Variants in PSMG4 observed in about 807,000 individuals in gnomAD.
PSMG4 encodes the protein proteasome (prosome, macropain) assembly chaperone 4.
PSMG4 carries 10 observed loss-of-function variants against 11.0 expected under a neutral mutation model. That is an observed-to-expected ratio of 0.91 (90% CI 0.56 to 1.54). The LOEUF (loss-of-function observed/expected upper bound fraction) is 1.54, where lower values mean the gene tolerates loss of function less well. PSMG4 is among the 40% of genes most tolerant of loss of function. The pLI is 0.00. For missense variants in PSMG4, 198 were observed against 160.9 expected (o/e 1.23, Z -1.25); for synonymous variants, 95 against 71.3 (o/e 1.33, Z -1.68).
intron 1 of PSMG4, among the ~76,000 whole-genome samples, chr6:3,262,153 T>C (rs1393856472): frequency 1.3e-5 from 2 of 152,160 alleles, no homozygotes; most frequent in African/African-American, 2.4e-5. Flanking sequence ...CCGTGCCTGC[T>C]CAGGGATTCT....
At chr6:3,260,883 C>T (rs1372468571) in intron 1 of PSMG4, among the ~76,000 whole-genome samples, 1 of 152,246 alleles carries the variant, frequency 6.6e-6, no homozygotes, top group Non-Finnish European at 1.5e-5. Context: ...GACCTTCGGG[C>T]TCTGTTACCT....
upstream of PSMG4, among the ~76,000 whole-genome samples, chr6:3,256,286 T>C (rs2127253336): frequency 6.6e-6 from 1 of 152,302 alleles, no homozygotes; most frequent in South Asian, 2.1e-4. Flanking sequence ...GGTATATATA[T>C]CCCAGTTATA....
At chr6:3,254,485 G>A (rs977744953), upstream of PSMG4, among the ~76,000 whole-genome samples, 8 of 151,936 alleles carry the variant, frequency 5.3e-5, no homozygotes, top group Non-Finnish European at 7.4e-5. Flanking sequence ...AAATATTGTT[G>A]CTGGTGGTTT....
upstream of PSMG4, chr6:3,255,146 A>G (rs556359251): frequency 6.4e-7 from 1 of 1,551,008 alleles, no homozygotes; most frequent in South Asian, 1.2e-5. Flanking sequence ...ATTCTCTTTG[A>G]GGAGCAGGGC....
chr6:3,266,849 T>G (rs1758200543), intron 2 of PSMG4: 1 of 112,536 alleles, frequency 8.9e-6, no homozygotes, highest in Admixed American at 9.6e-5. Context: ...CTTTAATATT[T>G]TATTTTAAAT....
upstream of PSMG4, chr6:3,255,283 A>C (rs908535239): frequency 1.3e-6 from 2 of 1,534,828 alleles, no homozygotes; most frequent in African/African-American, 2.7e-5. Context: ...TTACGGGTCT[A>C]TCGGTGCCCA....
rs751126684 is a variant in PSMG4, at chr6:3,259,060, C to G, written c.38C>G (p.Ser13Cys). 3.2e-6 allele frequency: 4 copies of G among 1,264,322 alleles called. No individual in the cohort carries two copies. The highest frequency in any genetic ancestry group is 4.0e-6 in the Non-Finnish European group (4 of 1,003,194). 78.3% of individuals were successfully genotyped at this position (1,264,322 alleles called of 1,614,324 possible). The change falls in exon 1 of 3, where the codon TCC (serine) becomes TGC (cysteine). Residue 13 changes from serine to cysteine, a missense_variant. By Grantham distance (112) the Ser-to-Cys change is moderately radical. Coordinates refer to ENST00000438998, the MANE Select transcript of PSMG4 (RefSeq NM_001128591.2). Reference protein sequence around the residue: ...GLVVAAGGDVSLHNFSARLWE... With the variant: ...GLVVAAGGDVCLHNFSARLWE... The stretch of plus-strand genomic sequence containing the variant: ...GTTGTCGCCGCCGGCGGGGACGTCT[C>G]CCTGCACAACTTCAGCGCGAGGCTG...
intron 2 of PSMG4, chr6:3,264,557 G>T: frequency 1.4e-6 from 1 of 704,848 alleles, no homozygotes; most frequent in South Asian, 2.0e-5. Flanking sequence ...CCAGGGGGAA[G>T]GCAGGGCAGG....
At chr6:3,255,265 C>T (rs911607723), upstream of PSMG4, 35 of 1,545,490 alleles carry the variant, frequency 2.3e-5, no homozygotes, top group Middle Eastern at 2.2e-4. Context: ...TGTGTTACCA[C>T]GGCTGTCTTA....
At chr6:3,263,310 C>T (rs373120312) in intron 1 of PSMG4, among the ~76,000 whole-genome samples, 13 of 152,320 alleles carry the variant, frequency 8.5e-5, no homozygotes, top group East Asian at 7.7e-4. Flanking sequence ...ACAGGTGCCC[C>T]GACTGTGAGT....
chr6:3,264,350 C>A, intron 2 of PSMG4: 2 of 1,541,190 alleles, frequency 1.3e-6, no homozygotes, highest in African/African-American at 1.4e-5. Context: ...TGCTCTGCGA[C>A]CCCCAGCCCC....
chr6:3,264,494 C>T (rs1486290772), intron 2 of PSMG4: 3 of 1,300,750 alleles, frequency 2.3e-6, no homozygotes, highest in African/African-American at 1.5e-5. Context: ...CAAGCAGGAA[C>T]CTCTGTGTCA....
At chr6:3,267,292 T>G in intron 2 of PSMG4, 1 of 247,818 alleles carries the variant, frequency 4.0e-6, no homozygotes, top group Non-Finnish European at 7.9e-6. Context: ...AATCCTGGCT[T>G]TCTGGGTCAG....
upstream of PSMG4, among the ~76,000 whole-genome samples, chr6:3,257,243 T>C (rs1335261088): frequency 6.6e-6 from 1 of 152,142 alleles, no homozygotes; most frequent in East Asian, 1.9e-4. Flanking sequence ...GGACGCTGTC[T>C]AGGGACTGCA....
At chr6:3,264,142 C>T in intron 2 of PSMG4, 3 of 1,541,954 alleles carry the variant, frequency 1.9e-6, no homozygotes, top group Non-Finnish European at 2.6e-6. Context: ...GGAGTCAGTG[C>T]AGCTGGTGGA....
At chr6:3,260,291 ATT>A (rs869076629) in intron 1 of PSMG4, among the ~76,000 whole-genome samples, 8 of 70,862 alleles carry the variant, frequency 1.1e-4, no homozygotes, top group East Asian at 4.6e-4. Flanking sequence ...ATATATATAT[ATT>A]TTTTTTTTTT....
chr6:3,257,893 T>TCAG (rs1757818958), upstream of PSMG4, among the ~76,000 whole-genome samples: 2 of 152,258 alleles, frequency 1.3e-5, no homozygotes, highest in Non-Finnish European at 2.9e-5. Context: ...GTTAAAATAT[T>TCAG]GACCTGAAAA....
Position 3,258,985 on chromosome 6 carries a change from C to T in PSMG4, c.-38C>T. The T allele has an allele frequency of 1.6e-6, 2 of 1,238,230 alleles. No individual in the cohort carries two copies. The highest frequency in any genetic ancestry group is 2.0e-6 in the Non-Finnish European group (2 of 990,416). 76.7% of individuals were successfully genotyped at this position (1,238,230 alleles called of 1,614,324 possible). A position where few individuals can be genotyped will look rare whatever the true frequency, so the allele number is the denominator to read the frequency against. Reference sequence around the variant, plus strand: ...TGGCGGGGCTGGCAGCGGCGAGGACCCGGGTCTGGCGCTGTGGGCCGGGAG... The same window carrying T: ...TGGCGGGGCTGGCAGCGGCGAGGACTCGGGTCTGGCGCTGTGGGCCGGGAG... On this transcript the variant is annotated 5_prime_UTR_variant, in exon 1 of 3. Coordinates refer to ENST00000438998, the MANE Select transcript of PSMG4 (RefSeq NM_001128591.2).
upstream of PSMG4, among the ~76,000 whole-genome samples, chr6:3,258,470 TAA>T (rs1291377644): frequency 1.3e-5 from 2 of 152,300 alleles, no homozygotes; most frequent in African/African-American, 4.8e-5. Flanking sequence ...TCCTTGGAGT[TAA>T]AGGGCTGCTA....
Sources: gnomAD v4.1 joint callset for allele counts (sites outside exome capture counted in the v4.1 genomes callset) on GRCh38, gnomAD v4.1.1 for gene constraint, MANE v1.5 for transcripts, NCBI Gene and HGNC (gene_info 2026-07-23, HGNC 2026-07-21) for gene names.